COLEC12: variants seen among roughly 807,000 people sequenced by gnomAD.
The protein encoded by COLEC12 is collectin subfamily member 12, also known as collectin-12.
A neutral mutation model predicts 71.1 loss-of-function variants in COLEC12; 33 were observed. The ratio of observed to expected loss-of-function variants is 0.46; its 90% confidence interval spans 0.35 to 0.62. COLEC12 has a LOEUF of 0.62. Among genes scored for constraint, COLEC12 ranks in the 20% least tolerant of loss-of-function variants. The pLI is 0.00. For missense variants in COLEC12, 765 were observed against 916.1 expected (o/e 0.84, Z 2.13); for synonymous variants, 350 against 353.0 (o/e 0.99, Z 0.10).
intron 2 of COLEC12, among the ~76,000 whole-genome samples, chr18:472,822 G>A (rs1917227989): frequency 6.6e-6 from 1 of 151,942 alleles, no homozygotes; most frequent in East Asian, 1.9e-4. Flanking sequence ...AAGATTTTGA[G>A]GGAGGGAGGG....
intron 2 of COLEC12, among the ~76,000 whole-genome samples, chr18:360,617 T>C (rs1018508339): frequency 6.6e-6 from 1 of 152,190 alleles, no homozygotes; most frequent in Non-Finnish European, 1.5e-5. Flanking sequence ...CATCACATTG[T>C]TGAAATGCAG....
intron 2 of COLEC12, among the ~76,000 whole-genome samples, chr18:379,641 C>A (rs1475960810): frequency 1.3e-5 from 2 of 152,020 alleles, no homozygotes; most frequent in African/African-American, 2.4e-5. Flanking sequence ...TCTATTGTTC[C>A]ACTAAGTAGT....
chr18:459,282 G>T (rs901098350), intron 2 of COLEC12, among the ~76,000 whole-genome samples: 2 of 152,196 alleles, frequency 1.3e-5, no homozygotes, highest in Admixed American at 1.3e-4. Context: ...ATCTCCTTAA[G>T]ATTTGAAAGA....
chr18:441,350 CTT>C, intron 2 of COLEC12, among the ~76,000 whole-genome samples: 1 of 152,254 alleles, frequency 6.6e-6, no homozygotes, highest in South Asian at 2.1e-4. Context: ...TCAAGGGACA[CTT>C]TTATAAGGAC....
intron 2 of COLEC12, among the ~76,000 whole-genome samples, chr18:456,164 A>G (rs551408712): frequency 2.0e-5 from 3 of 152,196 alleles, no homozygotes; most frequent in South Asian, 4.1e-4. Context: ...GGAGAAAAAC[A>G]TTTGACTTCC....
chr18:378,922 G>A (rs1487356536), intron 2 of COLEC12, among the ~76,000 whole-genome samples: 1 of 151,592 alleles, frequency 6.6e-6, no homozygotes, highest in East Asian at 1.9e-4. Context: ...TTCCACCAGT[G>A]CCCTCAAGAA....
At chr18:320,103 AAAT>A (rs764523710) in intron 9 of COLEC12, 39 bp from the exon 10 acceptor site, 12 of 1,265,732 alleles carry the variant, frequency 9.5e-6, no homozygotes, top group Middle Eastern at 1.9e-4. Context: ...AGTTTTTCTT[AAAT>A]AATAAAGTTA....
intron 2 of COLEC12, among the ~76,000 whole-genome samples, chr18:383,976 A>G (rs1915289508): frequency 6.6e-6 from 1 of 152,174 alleles, no homozygotes; most frequent in African/African-American, 2.4e-5. Context: ...ATTTCATGAG[A>G]CTTATTCATT....
chr18:351,234 G>A (rs181864828), intron 3 of COLEC12, among the ~76,000 whole-genome samples: 26 of 151,408 alleles, frequency 1.7e-4, no homozygotes, highest in Middle Eastern at 3.6e-3. Flanking sequence ...TGTGCACTGC[G>A]ACAAACACTC....
At chr18:476,223 A>G (rs984968598) in intron 2 of COLEC12, among the ~76,000 whole-genome samples, 1 of 152,214 alleles carries the variant, frequency 6.6e-6, no homozygotes, top group Admixed American at 6.5e-5. Context: ...TTTACCAAAA[A>G]AAGAAACTTG....
chr18:469,934 G>A (rs1917160623), intron 2 of COLEC12, among the ~76,000 whole-genome samples: 1 of 151,832 alleles, frequency 6.6e-6, no homozygotes, highest in Admixed American at 6.6e-5. Flanking sequence ...AATAAGTATT[G>A]ATGTTGGCAA....
intron 2 of COLEC12, among the ~76,000 whole-genome samples, chr18:468,379 C>G (rs1316400096): frequency 6.6e-6 from 1 of 152,088 alleles, no homozygotes; most frequent in East Asian, 1.9e-4. Context: ...AAATCATCTA[C>G]CCTAACCCTT....
chr18:405,037 C>T (rs35392218), intron 2 of COLEC12, among the ~76,000 whole-genome samples: 55 of 152,112 alleles, frequency 3.6e-4, no homozygotes, highest in African/African-American at 1.2e-3. Flanking sequence ...CTGTATGATG[C>T]GGTTGAGATA....
intron 2 of COLEC12, among the ~76,000 whole-genome samples, chr18:462,493 T>C (rs1310723359): frequency 1.3e-5 from 2 of 152,056 alleles, no homozygotes; most frequent in African/African-American, 4.8e-5. Flanking sequence ...AGTAGCTTAG[T>C]GGTGGCTGAG....
At chr18:445,137 C>A (rs1471433082) in intron 2 of COLEC12, among the ~76,000 whole-genome samples, 1 of 152,136 alleles carries the variant, frequency 6.6e-6, no homozygotes, top group African/African-American at 2.4e-5. Flanking sequence ...CTGACCAGGG[C>A]AGTAATTTTC....
At chr18:405,952 G>A (rs1205995318) in intron 2 of COLEC12, among the ~76,000 whole-genome samples, 1 of 152,068 alleles carries the variant, frequency 6.6e-6, no homozygotes, top group African/African-American at 2.4e-5. Context: ...TAAGTCACAG[G>A]ATGAGATAAG....
intron 2 of COLEC12, among the ~76,000 whole-genome samples, chr18:465,972 G>A (rs941018410): frequency 6.6e-6 from 1 of 152,194 alleles, no homozygotes; most frequent in African/African-American, 2.4e-5. Context: ...CACTTGGGCG[G>A]CAGGAGAATT....
At chr18:359,793 T>A (rs910520858) in intron 2 of COLEC12, among the ~76,000 whole-genome samples, 4 of 152,250 alleles carry the variant, frequency 2.6e-5, no homozygotes, top group Non-Finnish European at 5.9e-5. Flanking sequence ...CATAAAGGAC[T>A]GATCTATAAC....
chr18:425,757 A>G (rs752586816), intron 2 of COLEC12, among the ~76,000 whole-genome samples: 2 of 152,218 alleles, frequency 1.3e-5, no homozygotes, highest in Non-Finnish European at 2.9e-5. Flanking sequence ...AGTACCATAA[A>G]TAACTGTTAC....
Sources: gnomAD v4.1 joint callset for allele counts (sites outside exome capture counted in the v4.1 genomes callset) on GRCh38, gnomAD v4.1.1 for gene constraint, MANE v1.5 for transcripts, NCBI Gene and HGNC (gene_info 2026-07-23, HGNC 2026-07-21) for gene names.